FSD1L: variants seen among roughly 807,000 people sequenced by gnomAD.
FSD1L encodes fibronectin type III and SPRY domain containing 1 like, also known as FSD1-like protein.
Under a neutral mutation model 71.6 loss-of-function variants are expected in FSD1L, and 45 were observed. That is an observed-to-expected ratio of 0.63 (90% CI 0.49 to 0.81). FSD1L has a LOEUF of 0.81. FSD1L is among the 30% of genes least tolerant of loss of function. The probability of loss-of-function intolerance (pLI) is 0.00; values close to 1 mark genes in which losing one functional copy is unlikely to be tolerated. For synonymous variants in FSD1L, 197 were observed against 207.2 expected (o/e 0.95, Z 0.42); for missense variants, 561 against 618.1 (o/e 0.91, Z 0.98).
At chr9:105,505,023 G>A (rs1833969219) in intron 7 of FSD1L, among the ~76,000 whole-genome samples, 1 of 152,178 alleles carries the variant, frequency 6.6e-6, no homozygotes, top group South Asian at 2.1e-4. Context: ...TGAATCAACA[G>A]TGATACATTA....
At position 105,511,042 on chromosome 9, in the gene FSD1L, A is replaced by G. The variant is rs76069433; in HGVS notation, c.896-1765A>G. The stretch of plus-strand genomic sequence containing the variant: ...ATCTCTGTTACATTAGAGGAGCTCT[A>G]TAACTTAACTGAGGTCCATAAGGGG... On this transcript the variant is annotated intron_variant, in intron 9 of 13. Coordinates refer to ENST00000481272, the MANE Select transcript of FSD1L (RefSeq NM_001145313.3). 9.0e-3 allele frequency among the ~76,000 whole-genome samples: 1,365 copies of G among 151,100 alleles called. 22 individuals carry two copies. The highest frequency in any genetic ancestry group is 0.032 in the African/African-American group (1,308 of 41,174).
intron 2 of FSD1L, among the ~76,000 whole-genome samples, chr9:105,461,820 C>A (rs941665900): frequency 6.6e-6 from 1 of 152,054 alleles, no homozygotes; most frequent in African/African-American, 2.4e-5. Context: ...TCGAGACCAG[C>A]CTGGGCAACA....
chr9:105,509,592 G>T (rs1488748052), intron 9 of FSD1L, among the ~76,000 whole-genome samples: 2 of 151,978 alleles, frequency 1.3e-5, no homozygotes, highest in African/African-American at 2.4e-5. Context: ...ATTTGAATAG[G>T]TTTACCTGCC....
intron 13 of FSD1L, among the ~76,000 whole-genome samples, chr9:105,541,910 A>G (rs1243209656): frequency 1.3e-5 from 2 of 152,222 alleles, no homozygotes; most frequent in Non-Finnish European, 2.9e-5. Flanking sequence ...ATTCCGTACC[A>G]TGCTGCATTT....
At chr9:105,485,753 C>T (rs189265026) in intron 7 of FSD1L, among the ~76,000 whole-genome samples, 2 of 151,638 alleles carry the variant, frequency 1.3e-5, no homozygotes, top group Admixed American at 6.6e-5. Context: ...GCGCCATTCT[C>T]CTGCCTCAGC....
intron 13 of FSD1L, among the ~76,000 whole-genome samples, 156 bp from the exon 14 acceptor site, chr9:105,546,202 T>C (rs2131545212): frequency 6.6e-6 from 1 of 152,200 alleles, no homozygotes; most frequent in East Asian, 1.9e-4. Flanking sequence ...TCTGATTTAG[T>C]CTTTCCATTT....
intron 10 of FSD1L, chr9:105,524,309 T>G: frequency 6.2e-7 from 1 of 1,613,320 alleles, no homozygotes; most frequent in Non-Finnish European, 8.5e-7. Flanking sequence ...GACTTCAGAT[T>G]TACCAGCCTG....
At chr9:105,442,567 G>C in the FSD1L span, among the ~76,000 whole-genome samples, 1 of 151,904 alleles carries the variant, frequency 6.6e-6, no homozygotes, top group Non-Finnish European at 1.5e-5. Flanking sequence ...ACGTGCCTGT[G>C]GTCCCAGCTA....
intron 1 of FSD1L, among the ~76,000 whole-genome samples, chr9:105,449,536 G>C (rs1829858109): frequency 6.6e-6 from 1 of 152,162 alleles, no homozygotes; most frequent in African/African-American, 2.4e-5. Context: ...CTATTTACTA[G>C]CTCTGTGATA....
Position 105,534,586 on chromosome 9 carries a change from A to C in FSD1L, c.1119A>C (p.Thr373=). 6.6e-7 allele frequency: 1 copy of C among 1,517,002 alleles called. No homozygotes were observed. Among genetic ancestry groups the C allele is most frequent in the Non-Finnish European group, 9.0e-7 (1 of 1,117,112 alleles). The allele number at this position is 1,517,002 out of a possible 1,614,324, so 94.0% of individuals were successfully genotyped here. The change falls in exon 11 of 14, where the codon ACA becomes ACC. Residue 373 remains threonine (T), a synonymous_variant. Transcript: ENST00000481272. ...SRDRFTGESY[T]VLGDTAIESG... is the part of the protein sequence containing the mutation. ...ATCGTTTTACTGGAGAATCATACAC[A>C]GTGCTGGGTAGGACAAAACATAATT...
chr9:105,501,604 T>TC (rs1222625654), intron 7 of FSD1L, among the ~76,000 whole-genome samples: 2 of 151,334 alleles, frequency 1.3e-5, no homozygotes, highest in African/African-American at 4.8e-5. Flanking sequence ...TAATTTTTTT[T>TC]TTTTTTTTTG....
intron 10 of FSD1L, 122 bp downstream of exon 10, chr9:105,513,058 A>G: frequency 4.1e-6 from 3 of 731,118 alleles, no homozygotes; most frequent in Non-Finnish European, 4.0e-6. Context: ...TATTAGTAGC[A>G]CCAAAGTGAA....
At chr9:105,473,455 A>G (rs1244560691) in intron 5 of FSD1L, 4 of 152,232 alleles carry the variant, frequency 2.6e-5, no homozygotes, top group African/African-American at 9.6e-5. Flanking sequence ...CATGGACAAG[A>G]GTTAATGTCC....
intron 12 of FSD1L, among the ~76,000 whole-genome samples, chr9:105,536,827 G>A (rs952708969): frequency 6.6e-6 from 1 of 151,962 alleles, no homozygotes; most frequent in Non-Finnish European, 1.5e-5. Flanking sequence ...AGTAGAGACG[G>A]GGTTTCACCA....
In FSD1L at chr9:105,524,420, A is replaced by G. The variant is rs964645764; in HGVS notation, c.1026-10073A>G. The G allele has an allele frequency of 5.0e-6, 8 of 1,613,508 alleles. No homozygotes were observed. In the Admixed American group the frequency reaches 1.3e-4, roughly 27 times the overall value. On this transcript the variant is annotated intron_variant, in intron 10 of 13. Coordinates refer to ENST00000481272, the MANE Select transcript of FSD1L (RefSeq NM_001145313.3). ...ATGAAATGGACAAGAGGTTGGTAGT[A>G]TCTTTACTTCTCTGCCTTCTGGACT...
chr9:105,445,785 G>A (rs2812301), upstream of FSD1L, among the ~76,000 whole-genome samples: 41,059 of 152,022 alleles, frequency 0.27, 5,770 homozygotes, highest in Non-Finnish European at 0.31. Context: ...ATGGCTTGGC[G>A]CCTGGCTGCA....
chr9:105,528,945 A>G (rs1441816914), intron 10 of FSD1L, among the ~76,000 whole-genome samples: 1 of 152,192 alleles, frequency 6.6e-6, no homozygotes, highest in African/African-American at 2.4e-5. Flanking sequence ...GAAAAAAACA[A>G]CCCCATCGAA....
intron 3 of FSD1L, among the ~76,000 whole-genome samples, chr9:105,465,726 C>G (rs1238121635): frequency 6.6e-6 from 1 of 152,160 alleles, no homozygotes. Context: ...TAAAGACTCT[C>G]AACAAATTAG....
chr9:105,493,997 A>T (rs1439185880), intron 7 of FSD1L, among the ~76,000 whole-genome samples: 1 of 152,076 alleles, frequency 6.6e-6, no homozygotes. Context: ...GCTCTTCTTG[A>T]GGAGTATCTT....
Sources: gnomAD v4.1 joint callset for allele counts (sites outside exome capture counted in the v4.1 genomes callset) on GRCh38, gnomAD v4.1.1 for gene constraint, MANE v1.5 for transcripts, NCBI Gene and HGNC (gene_info 2026-07-23, HGNC 2026-07-21) for gene names.